The following CASD1 variants were observed in gnomAD, a reference collection of about 807,000 sequenced individuals.
CASD1 encodes the protein CAS1 domain sialic acid O acetyltransferase 1.
CASD1 carries 41 observed loss-of-function variants against 100.0 expected under a neutral mutation model. That is an observed-to-expected ratio of 0.41 (90% confidence interval 0.32 to 0.53). The LOEUF is 0.53. Ranked by LOEUF, CASD1 falls within the 20% of genes least tolerant of loss-of-function variation. The pLI is 0.25. For synonymous variants in CASD1, 321 were observed against 315.6 expected (o/e 1.02, Z -0.18); for missense variants, 774 against 948.7 (o/e 0.82, Z 2.42).
At chr7:94,566,873 C>T in the CASD1 span, among the ~76,000 whole-genome samples, 2 of 152,110 alleles carry the variant, frequency 1.3e-5, no homozygotes, top group Admixed American at 1.3e-4. Context: ...GAACCTTAGC[C>T]AGGTCTTAAC....
the CASD1 span, chr7:94,591,001 C>T: frequency 6.6e-6 from 1 of 151,950 alleles, no homozygotes; most frequent in Non-Finnish European, 1.5e-5. Flanking sequence ...ATAATAAACT[C>T]AACTCTAACA....
chr7:94,517,107 T>G (rs2116195104), intron 1 of CASD1, among the ~76,000 whole-genome samples: 1 of 152,276 alleles, frequency 6.6e-6, no homozygotes, highest in East Asian at 1.9e-4. Flanking sequence ...TTTCACCATG[T>G]TGGCCAGGCT....
intron 3 of CASD1, among the ~76,000 whole-genome samples, chr7:94,526,275 T>C (rs558186465): frequency 1.4e-4 from 21 of 152,352 alleles, no homozygotes; most frequent in Admixed American, 2.0e-4. Flanking sequence ...GTTCCTACTA[T>C]TGGAATTTTT....
chr7:94,546,648 A>G (rs1022301918), intron 12 of CASD1, among the ~76,000 whole-genome samples: 3 of 151,976 alleles, frequency 2.0e-5, no homozygotes, highest in African/African-American at 7.2e-5. Flanking sequence ...ATGTTAAAAT[A>G]TATTTTATGT....
chr7:94,534,148 T>C (rs1794993134), intron 7 of CASD1, among the ~76,000 whole-genome samples: 1 of 149,396 alleles, frequency 6.7e-6, no homozygotes, highest in Admixed American at 6.8e-5. Context: ...AAAAATATTA[T>C]CTGTTTCATA....
intron 4 of CASD1, 93 bp downstream of exon 4, chr7:94,527,299 G>A: frequency 1.1e-6 from 1 of 937,662 alleles, no homozygotes; most frequent in Non-Finnish European, 1.7e-6. Flanking sequence ...ATGTATTCTT[G>A]AGAGTAGATA....
intron 11 of CASD1, 139 bp downstream of exon 11, chr7:94,544,669 T>G (rs1315193158): frequency 1.3e-6 from 1 of 754,136 alleles, no homozygotes; most frequent in Non-Finnish European, 1.9e-6. Context: ...TGAAGTTGTA[T>G]TCTGTGTTCT....
intron 5 of CASD1, 76 bp downstream of exon 5, chr7:94,528,326 T>A (rs912906388): frequency 3.8e-6 from 4 of 1,043,802 alleles, no homozygotes; most frequent in Non-Finnish European, 5.6e-6. Context: ...TTATTCCCTT[T>A]ACTCACTTGT....
the CASD1 span, among the ~76,000 whole-genome samples, chr7:94,579,292 T>G: frequency 6.6e-6 from 1 of 151,754 alleles, no homozygotes; most frequent in East Asian, 1.9e-4. Flanking sequence ...TTCATTGTCC[T>G]AACATTTAAT....
Position 94,509,889 on chromosome 7 carries a change from C to A in CASD1, c.-196C>A. 1 of 1,059,672 alleles carries A rather than the reference C, an allele frequency of 9.4e-7. No homozygotes were observed. The highest frequency in any genetic ancestry group is 1.1e-6 in the Non-Finnish European group (1 of 878,220). 65.6% of individuals were successfully genotyped at this position (1,059,672 alleles called of 1,614,324 possible). A position where few individuals can be genotyped will look rare whatever the true frequency, so the allele number is the denominator to read the frequency against. On this transcript the variant is annotated 5_prime_UTR_variant, in exon 1 of 18. Transcript: ENST00000297273. Reference sequence around the variant, plus strand: ...GCTGGGGGGAGGCCGCCGAGTCGGCCGCGGCCGAGGAGGGGCAGGCGGAGG... The same window carrying A: ...GCTGGGGGGAGGCCGCCGAGTCGGCAGCGGCCGAGGAGGGGCAGGCGGAGG...
the CASD1 span, among the ~76,000 whole-genome samples, chr7:94,575,344 T>G: frequency 6.6e-6 from 1 of 152,220 alleles, no homozygotes; most frequent in African/African-American, 2.4e-5. Flanking sequence ...AATTTCCATG[T>G]AATTGCATGG....
At chr7:94,616,076 T>A in the CASD1 span, among the ~76,000 whole-genome samples, 2 of 152,118 alleles carry the variant, frequency 1.3e-5, no homozygotes, top group Non-Finnish European at 1.5e-5. Flanking sequence ...TAGGAGAAGT[T>A]TGAAAGCTGT....
At chr7:94,620,533 T>G in the CASD1 span, 3 of 152,206 alleles carry the variant, frequency 2.0e-5, no homozygotes, top group Non-Finnish European at 4.4e-5. Context: ...GAAATAGTCA[T>G]GCAGAAATGT....
At chr7:94,596,193 G>C in the CASD1 span, among the ~76,000 whole-genome samples, 1 of 152,102 alleles carries the variant, frequency 6.6e-6, no homozygotes, top group Non-Finnish European at 1.5e-5. Flanking sequence ...GGAAGGACCA[G>C]AAAGATCCAT....
intron 7 of CASD1, 141 bp downstream of exon 7, chr7:94,533,943 G>A: frequency 1.4e-6 from 1 of 705,758 alleles, no homozygotes; most frequent in East Asian, 3.1e-5. Flanking sequence ...GAGTACACTT[G>A]AGTTATTTGC....
intron 8 of CASD1, among the ~76,000 whole-genome samples, chr7:94,536,888 T>C (rs538992018): frequency 1.3e-5 from 2 of 152,304 alleles, no homozygotes; most frequent in Non-Finnish European, 2.9e-5. Context: ...TTAAAACTTG[T>C]AGAATCCTAA....
At chr7:94,627,965 AT>A in the CASD1 span, 10 of 494,302 alleles carry the variant, frequency 2.0e-5, no homozygotes, top group South Asian at 1.4e-4. Flanking sequence ...TTAAGGTCAT[AT>A]TTTTTTCACA....
At chr7:94,512,342 G>A (rs1793752694) in intron 1 of CASD1, among the ~76,000 whole-genome samples, 1 of 152,186 alleles carries the variant, frequency 6.6e-6, no homozygotes, top group Non-Finnish European at 1.5e-5. Context: ...GCCTCCAGCA[G>A]CCCAGGCCAT....
chr7:94,549,229 G>T (rs1245796029), intron 13 of CASD1, among the ~76,000 whole-genome samples: 4 of 151,876 alleles, frequency 2.6e-5, no homozygotes, highest in African/African-American at 4.8e-5. Context: ...CAGATTTTTT[G>T]ATTTGGGGGC....
Sources: gnomAD v4.1 joint callset for allele counts (sites outside exome capture counted in the v4.1 genomes callset) on GRCh38, gnomAD v4.1.1 for gene constraint, MANE v1.5 for transcripts, NCBI Gene and HGNC (gene_info 2026-07-23, HGNC 2026-07-21) for gene names.